Variants in VAMP2 observed in about 807,000 individuals in gnomAD.
VAMP2 encodes the protein vesicle associated membrane protein 2.
For synonymous variants in VAMP2, 67 were observed against 57.3 expected, an observed-to-expected ratio of 1.17 and a Z score of -0.76; for missense variants, 95 against 151.3, an observed-to-expected ratio of 0.63 and a Z score of 1.95.
intron 4 of VAMP2, 158 bp downstream of exon 4, chr17:8,161,315 C>T: frequency 9.2e-7 from 1 of 1,082,018 alleles, no homozygotes; most frequent in Non-Finnish European, 1.3e-6. Context: ...GGCTAAATAA[C>T]ATCAAAGTTT....
Position 8,162,342 on chromosome 17 carries a change from A to G in VAMP2, c.30T>C (p.Pro10=). 2 of 1,606,342 alleles carry G rather than the reference A, an allele frequency of 1.2e-6. No individual in the cohort carries two copies. Among genetic ancestry groups the G allele is most frequent in the Non-Finnish European group, 1.7e-6 (2 of 1,177,218 alleles). The part of the protein sequence containing the change: MSATAATAP[P]AAPAGEGGPP... Reference sequence around the variant, plus strand: ...GACCACCCTCCCCAGCCGGGGCAGCAGGGGGGGCCGTGGCAGCGGTAGCAG... The same window carrying G: ...GACCACCCTCCCCAGCCGGGGCAGCGGGGGGGGCCGTGGCAGCGGTAGCAG... The change falls in exon 2 of 5, where the codon CCT becomes CCC. Residue 10 remains proline (P), a synonymous_variant. Coordinates refer to ENST00000316509, the MANE Select transcript of VAMP2 (RefSeq NM_014232.3).
rs373675922 is a variant in VAMP2, at chr17:8,161,540, G to A, written c.283-16C>T. 2.5e-5 allele frequency: 40 copies of A among 1,614,010 alleles called. No homozygotes were observed. Among genetic ancestry groups the A allele is most frequent in the African/African-American group, 1.6e-4 (12 of 74,904 alleles). On this transcript the variant is annotated splice_polypyrimidine_tract_variant and intron_variant, in intron 3 of 4. Transcript: ENST00000316509. The stretch of plus-strand genomic sequence containing the variant: ...TGATCATCATCTGGGGGTGAGAGGC[G>A]AGGATCAGTAAGACAAACTATGATA...
intron 1 of VAMP2, 191 bp from the exon 2 acceptor site, chr17:8,162,560 CG>C: frequency 6.8e-7 from 1 of 1,463,686 alleles, no homozygotes; most frequent in Non-Finnish European, 9.0e-7. Flanking sequence ...GAGGCCCCCC[CG>C]GCCTCAGTTT....
At position 8,162,335 on chromosome 17, in the gene VAMP2, G is replaced by A. The variant is rs756825862; in HGVS notation, c.37C>T (p.Pro13Ser). 96 of 1,606,114 alleles carry A rather than the reference G, an allele frequency of 6.0e-5. No homozygotes were observed. Among genetic ancestry groups the A allele is most frequent in the Non-Finnish European group, 7.8e-5 (92 of 1,177,264 alleles). The change falls in exon 2 of 5, where the codon CCG becomes TCG. Residue 13 changes from proline to serine, a missense_variant. Physicochemically the swap from Pro to Ser is moderately conservative, Grantham distance 74 (BLOSUM62 -1). Transcript: ENST00000316509. ...ATAATAPPAA[P>S]AGEGGPPAPP... ...GCAGGGGGACCACCCTCCCCAGCCG[G>A]GGCAGCAGGGGGGGCCGTGGCAGCG...
Position 8,159,988 on chromosome 17 carries a change from G to C in VAMP2, c.*867C>G, listed in dbSNP as rs1042393105. ...CAAGACACTTACATACCAGCTGGGG[G>C]AGGGAGAGGAGGGTACAAGAGGTTT... On this transcript the variant is annotated 3_prime_UTR_variant, in exon 5 of 5. Transcript: ENST00000316509. 2 of 152,610 alleles carry C rather than the reference G, an allele frequency of 1.3e-5. No individual in the cohort carries two copies. The highest frequency in any genetic ancestry group is 2.9e-5 in the Non-Finnish European group (2 of 68,152). 9.5% of individuals were successfully genotyped at this position (152,610 alleles called of 1,614,324 possible). A position where few individuals can be genotyped will look rare whatever the true frequency, so the allele number is the denominator to read the frequency against.
chr17:8,161,574 A>G lies in VAMP2; in HGVS notation c.282+34T>C, dbSNP rs1983314767. ...TAAGACAAACTATGATACCCCATTC[A>G]CCCACCTGTCCTCCTTCCTGTCCCC... On this transcript the variant is annotated intron_variant, in intron 3 of 4. Coordinates refer to ENST00000316509, the MANE Select transcript of VAMP2 (RefSeq NM_014232.3). 3 of 1,613,626 alleles carry G rather than the reference A, an allele frequency of 1.9e-6. No homozygotes were observed. The Admixed American group carries it at 5.0e-5, about 27-fold the overall frequency.
In VAMP2 at chr17:8,162,359, C is replaced by T. The variant is rs1263959393; in HGVS notation, c.13G>A (p.Ala5Thr). 11 of 1,608,452 alleles carry T rather than the reference C, an allele frequency of 6.8e-6. No homozygotes were observed. Among genetic ancestry groups the T allele is most frequent in the Non-Finnish European group, 9.3e-6 (11 of 1,178,090 alleles). The change falls in exon 2 of 5, where the codon GCT (alanine) becomes ACT (threonine). Residue 5 changes from alanine (A) to threonine (T), a missense_variant. By Grantham distance (58) the Ala-to-Thr change is moderately conservative. Transcript: ENST00000316509. ...GGGGCAGCAGGGGGGGCCGTGGCAGCGGTAGCAGACCTGAGGAGCAGGGAC... is the reference window on the plus strand; with the variant it reads ...GGGGCAGCAGGGGGGGCCGTGGCAGTGGTAGCAGACCTGAGGAGCAGGGAC... MSAT[A>T]ATAPPAAPAG...
rs1463030616 is a variant in VAMP2 at position 8,160,570 on chromosome 17, A to G, written c.*285T>C. ...GGGACTTGGGGCTAGTCAGGAAGAA[A>G]GGGAAAGGGAAGGAAGGCAAGAGAG... On this transcript the variant is annotated 3_prime_UTR_variant, in exon 5 of 5. Transcript: ENST00000316509. 9.6e-6 allele frequency: 2 copies of G among 209,290 alleles called. No homozygotes were observed. The highest frequency in any genetic ancestry group is 5.9e-5 in the Admixed American group (1 of 16,826). The allele number at this position is 209,290 out of a possible 1,614,324, so 13.0% of individuals were successfully genotyped here.
Position 8,159,631 on chromosome 17 carries a change from C to T in VAMP2, c.*1224G>A, listed in dbSNP as rs1458682159. ...AGCTGGGCAGTGATGGGGCAACACC[C>T]CCCAAATTGGGGAGGAGGGTTTTCA... is the stretch of plus-strand genomic sequence containing the variant. On this transcript the variant is annotated 3_prime_UTR_variant, in exon 5 of 5. Coordinates refer to ENST00000316509, the MANE Select transcript of VAMP2 (RefSeq NM_014232.3). The T allele has an allele frequency of 6.6e-6, 1 of 152,650 alleles. No homozygotes were observed. The highest frequency in any genetic ancestry group is 1.9e-4 in the East Asian group (1 of 5,188). The allele number at this position is 152,650 out of a possible 1,614,324, so 9.5% of individuals were successfully genotyped here.
rs1206203377 is a variant in VAMP2 at position 8,160,679 on chromosome 17, A to G, written c.*176T>C. On this transcript the variant is annotated 3_prime_UTR_variant, in exon 5 of 5. Coordinates refer to ENST00000316509, the MANE Select transcript of VAMP2 (RefSeq NM_014232.3). Reference sequence around the variant, plus strand: ...ATAAAACTACAAACAGACCAAATATATATAATATTATATATGTATAAATAA... The same window carrying G: ...ATAAAACTACAAACAGACCAAATATGTATAATATTATATATGTATAAATAA... 5.1e-6 allele frequency: 2 copies of G among 393,140 alleles called. No individual in the cohort carries two copies. The highest frequency in any genetic ancestry group is 8.6e-6 in the Non-Finnish European group (2 of 233,180). 24.4% of individuals were successfully genotyped at this position (393,140 alleles called of 1,614,324 possible). A position where few individuals can be genotyped will look rare whatever the true frequency, so the allele number is the denominator to read the frequency against.
chr17:8,160,970 C>A, intron 4 of VAMP2, 99 bp from the exon 5 acceptor site: 6 of 1,062,928 alleles, frequency 5.6e-6, no homozygotes, highest in Non-Finnish European at 8.5e-6. Context: ...TCCAATCCTC[C>A]CCACTCCCCA....
At position 8,161,529 on chromosome 17, in the gene VAMP2, G is replaced by T. The variant is rs1983312950; in HGVS notation, c.283-5C>A. Reference sequence around the variant, plus strand: ...CACTCCCAAGATGATCATCATCTGGGGGTGAGAGGCGAGGATCAGTAAGAC... The same window carrying T: ...CACTCCCAAGATGATCATCATCTGGTGGTGAGAGGCGAGGATCAGTAAGAC... On this transcript the variant is annotated splice_region_variant and splice_polypyrimidine_tract_variant and intron_variant, in intron 3 of 4. Transcript: ENST00000316509. The T allele has an allele frequency of 1.2e-6, 2 of 1,614,110 alleles. No individual in the cohort carries two copies. The highest frequency in any genetic ancestry group is 1.7e-6 in the Non-Finnish European group (2 of 1,179,992).
intron 2 of VAMP2, 62 bp downstream of exon 2, chr17:8,162,187 C>A: frequency 6.7e-7 from 1 of 1,497,198 alleles, no homozygotes; most frequent in Non-Finnish European, 8.9e-7. Flanking sequence ...AACATGGGCC[C>A]CTACACCTAT....
At position 8,162,730 on chromosome 17, in the gene VAMP2, C is replaced by G. The variant is rs1567544347; in HGVS notation, c.2+148G>C. 2.3e-6 allele frequency: 3 copies of G among 1,284,500 alleles called. No homozygotes were observed. In the East Asian group the frequency reaches 9.6e-5, roughly 41 times the overall value. The allele number at this position is 1,284,500 out of a possible 1,614,324, so 79.6% of individuals were successfully genotyped here. On this transcript the variant is annotated intron_variant, in intron 1 of 4. Coordinates refer to ENST00000316509, the MANE Select transcript of VAMP2 (RefSeq NM_014232.3). ...CCGGCCAGCCCGGGACGCGGGGCTCCTCGGCCGCCCGCGCGCAGTCACCGG... is the reference window on the plus strand; with the variant it reads ...CCGGCCAGCCCGGGACGCGGGGCTCGTCGGCCGCCCGCGCGCAGTCACCGG...
At position 8,162,917 on chromosome 17, in the gene VAMP2, G is replaced by A. The variant is rs1983363703; in HGVS notation, c.-38C>T. 2.5e-6 allele frequency: 3 copies of A among 1,208,064 alleles called. No homozygotes were observed. The highest frequency in any genetic ancestry group is 3.2e-5 in the African/African-American group (2 of 63,448). 74.8% of individuals were successfully genotyped at this position (1,208,064 alleles called of 1,614,324 possible). On this transcript the variant is annotated 5_prime_UTR_variant, in exon 1 of 5. Transcript: ENST00000316509. Reference sequence around the variant, plus strand: ...GGGTGGAGGACTTGGCAGCGGCAGTGATGGCGGCGGCGGCTCGCGCTGGCT... The same window carrying A: ...GGGTGGAGGACTTGGCAGCGGCAGTAATGGCGGCGGCGGCTCGCGCTGGCT...
Position 8,161,613 on chromosome 17 carries a change from G to T in VAMP2, c.277C>A (p.Leu93Ile). 1 of 1,614,086 alleles carries T rather than the reference G, an allele frequency of 6.2e-7. No individual in the cohort carries two copies. Among genetic ancestry groups the T allele is most frequent in the South Asian group, 1.1e-5 (1 of 91,082 alleles). Residue 93 changes from leucine to isoleucine, a missense_variant, in exon 3 of 5, where the codon CTC becomes ATC. Coordinates refer to ENST00000316509, the MANE Select transcript of VAMP2 (RefSeq NM_014232.3). ...CTTCCTGTCCCCACCCTTACCTTGAGGTTTTTCCACCAGTATTTGCGCTTG... is the reference window on the plus strand; with the variant it reads ...CTTCCTGTCCCCACCCTTACCTTGATGTTTTTCCACCAGTATTTGCGCTTG... The part of the protein sequence containing the change: ...KLKRKYWWKN[L>I]KMMIILGVIC...
intron 1 of VAMP2, 32 bp downstream of exon 1, chr17:8,162,846 A>G: frequency 8.2e-7 from 1 of 1,213,370 alleles, no homozygotes; most frequent in East Asian, 3.3e-5. Flanking sequence ...GGCGCAGGGA[A>G]GCGCGGTGAG....
At position 8,162,948 on chromosome 17, in the gene VAMP2, T is replaced by A; in HGVS notation, c.-69A>T. 8.4e-7 allele frequency: 1 copy of A among 1,192,238 alleles called. No individual in the cohort carries two copies. The highest frequency in any genetic ancestry group is 1.0e-6 in the Non-Finnish European group (1 of 962,784). 73.9% of individuals were successfully genotyped at this position (1,192,238 alleles called of 1,614,324 possible). A position where few individuals can be genotyped will look rare whatever the true frequency, so the allele number is the denominator to read the frequency against. ...GGCGGCGGCTCGCGCTGGCTCCGAC[T>A]GGCGCTGGCTGCCCGGGACGGAAAG... On this transcript the variant is annotated 5_prime_UTR_variant, in exon 1 of 5. Coordinates refer to ENST00000316509, the MANE Select transcript of VAMP2 (RefSeq NM_014232.3).
rs1983261244 is a variant in VAMP2 at position 8,160,380 on chromosome 17, G to GTTTTTTTTTTTGTTT, written c.*474_*475insAAACAAAAAAAAAAA. On this transcript the variant is annotated 3_prime_UTR_variant, in exon 5 of 5. Coordinates refer to ENST00000316509, the MANE Select transcript of VAMP2 (RefSeq NM_014232.3). Reference sequence around the variant, plus strand: ...TAAGGAAGCCTGGACAGGTGCTGTTGTTTTTTTTTTTTTTTTTTTTTTTTT... The same window carrying GTTTTTTTTTTTGTTT: ...TAAGGAAGCCTGGACAGGTGCTGTTGTTTTTTTTTTTGTTTTTTTTTTTTTTTTTTTTTTTTTTTT... 5.7e-5 allele frequency: 2 copies of GTTTTTTTTTTTGTTT among 35,108 alleles called. No homozygotes were observed. The highest frequency in any genetic ancestry group is 5.0e-5 in the Non-Finnish European group (1 of 20,096). The allele number at this position is 35,108 out of a possible 1,614,324, so 2.2% of individuals were successfully genotyped here.
Sources: allele counts gnomAD v4.1 joint callset, GRCh38; gene constraint gnomAD v4.1.1; transcripts MANE v1.5; gene names NCBI Gene and HGNC (gene_info 2026-07-23, HGNC 2026-07-21).